The following CAPZB variants were observed in gnomAD, a reference collection of about 807,000 sequenced individuals.
CAPZB encodes F-actin-capping protein subunit beta.
Under a neutral mutation model 38.1 loss-of-function variants are expected in CAPZB, and 2 were observed. The ratio of observed to expected loss-of-function variants is 0.05; its 90% confidence interval spans 0.02 to 0.17. The LOEUF (loss-of-function observed/expected upper bound fraction) is 0.17. Ranked by LOEUF, CAPZB falls within the 10% of genes least tolerant of loss-of-function variation. CAPZB has a pLI of 1.00. For missense variants in CAPZB, 161 were observed against 334.2 expected (o/e 0.48, Z 4.04); for synonymous variants, 107 against 127.4 (o/e 0.84, Z 1.08).
intron 2 of CAPZB, among the ~76,000 whole-genome samples, chr1:19,401,831 GC>G (rs1254964479): frequency 6.6e-6 from 1 of 152,098 alleles, no homozygotes; most frequent in Non-Finnish European, 1.5e-5. Flanking sequence ...AGTGATGTTG[GC>G]CCCCTGCTCC....
In CAPZB at chr1:19,464,763, G is replaced by A. The variant is rs534539305; in HGVS notation, c.3+20673C>T. 8.5e-5 allele frequency among the ~76,000 whole-genome samples: 13 copies of A among 152,282 alleles called. No homozygotes were observed. In the East Asian group the frequency reaches 2.1e-3, roughly 25 times the overall value. On this transcript the variant is annotated intron_variant, in intron 1 of 8. Transcript: ENST00000264202. ...AACATGAATGAATCAAATAAATCATGTTACACGAAAGAGGTCAAACACAAA... is the reference window on the plus strand; with the variant it reads ...AACATGAATGAATCAAATAAATCATATTACACGAAAGAGGTCAAACACAAA...
chr1:19,396,269 G>A (rs2094268465), intron 2 of CAPZB, among the ~76,000 whole-genome samples: 3 of 152,168 alleles, frequency 2.0e-5, no homozygotes, highest in African/African-American at 7.2e-5. Flanking sequence ...GTGGGATGGT[G>A]GAAAACTAGG....
chr1:19,454,394 A>G (rs2094526548), intron 1 of CAPZB, among the ~76,000 whole-genome samples: 1 of 152,172 alleles, frequency 6.6e-6, no homozygotes, highest in African/African-American at 2.4e-5. Context: ...CTGATCTTTA[A>G]AACTCTTTTC....
At chr1:19,383,374 G>A (rs1570063762) in intron 3 of CAPZB, among the ~76,000 whole-genome samples, 1 of 149,510 alleles carries the variant, frequency 6.7e-6, no homozygotes, top group Non-Finnish European at 1.5e-5. Context: ...TTGAACCCAG[G>A]AGACAGAGGT....
intron 2 of CAPZB, among the ~76,000 whole-genome samples, chr1:19,407,805 G>A (rs1482098375): frequency 6.6e-6 from 1 of 152,148 alleles, no homozygotes; most frequent in African/African-American, 2.4e-5. Flanking sequence ...CTCATTCAGG[G>A]AGCAGAAGCA....
chr1:19,345,865 G>A (rs1326039436), intron 6 of CAPZB, among the ~76,000 whole-genome samples: 4 of 152,330 alleles, frequency 2.6e-5, no homozygotes, highest in Middle Eastern at 3.4e-3. Flanking sequence ...GGGCCTGTTC[G>A]TTCTACTCTG....
chr1:19,403,032 A>ATT, intron 2 of CAPZB, among the ~76,000 whole-genome samples: 1 of 151,670 alleles, frequency 6.6e-6, no homozygotes, highest in Non-Finnish European at 1.5e-5. Flanking sequence ...CTGGGCAACA[A>ATT]GAACAAAACT....
chr1:19,432,066 GA>G (rs1046571679), intron 1 of CAPZB, among the ~76,000 whole-genome samples: 13 of 107,972 alleles, frequency 1.2e-4, no homozygotes, highest in Admixed American at 2.8e-4. Flanking sequence ...AAAAAAAAAA[GA>G]AAAAAAAAGA....
intron 6 of CAPZB, among the ~76,000 whole-genome samples, chr1:19,346,180 G>A (rs766119934): frequency 2.1e-4 from 32 of 152,078 alleles, no homozygotes; most frequent in Non-Finnish European, 4.1e-4. Context: ...AATGCTCAAC[G>A]TTACTACACT....
chr1:19,432,053 A>AG (rs2094443918), intron 1 of CAPZB, among the ~76,000 whole-genome samples: 1 of 88,306 alleles, frequency 1.1e-5, no homozygotes, highest in African/African-American at 3.4e-5. Flanking sequence ...AAAAAAAAAA[A>AG]AAAAAAAAAA....
Position 19,357,346 on chromosome 1 carries a change from T to G in CAPZB, c.471+76A>C. On this transcript the variant is annotated intron_variant, in intron 5 of 8. Coordinates refer to ENST00000264202, the MANE Select transcript of CAPZB (RefSeq NM_004930.5). This position sits in a 1 kb window ranked among gnomAD's most constrained non-coding sequence, Gnocchi z 4.3. ...CACAGCATCCCCCTACTGCATCTGTTAGAGAGCAGCGCGGCACTGGTTGGT... is the reference window on the plus strand; with the variant it reads ...CACAGCATCCCCCTACTGCATCTGTGAGAGAGCAGCGCGGCACTGGTTGGT... 1 of 1,368,030 alleles carries G rather than the reference T, an allele frequency of 7.3e-7. No individual in the cohort carries two copies. Among genetic ancestry groups the G allele is most frequent in the South Asian group, 1.2e-5 (1 of 82,356 alleles). 84.7% of individuals were successfully genotyped at this position (1,368,030 alleles called of 1,614,324 possible). A position where few individuals can be genotyped will look rare whatever the true frequency, so the allele number is the denominator to read the frequency against.
intron 6 of CAPZB, among the ~76,000 whole-genome samples, chr1:19,353,695 T>C (rs748607385): frequency 6.6e-5 from 10 of 152,172 alleles, no homozygotes; most frequent in Non-Finnish European, 1.0e-4. Context: ...AATCAGATCA[T>C]TGGACTCCCT....
At chr1:19,474,139 G>A (rs1353961158) in intron 1 of CAPZB, among the ~76,000 whole-genome samples, 1 of 151,904 alleles carries the variant, frequency 6.6e-6, no homozygotes, top group African/African-American at 2.4e-5. Context: ...AGGACTACAC[G>A]TGTGTGCCAC....
intron 2 of CAPZB, among the ~76,000 whole-genome samples, chr1:19,389,824 T>G (rs1373246840): frequency 6.6e-6 from 1 of 152,238 alleles, no homozygotes; most frequent in Non-Finnish European, 1.5e-5. Context: ...CCAACTTCTT[T>G]ATCAAGATGT....
chr1:19,474,686 C>T (rs2094600879), intron 1 of CAPZB, among the ~76,000 whole-genome samples: 1 of 152,100 alleles, frequency 6.6e-6, no homozygotes, highest in African/African-American at 2.4e-5. Flanking sequence ...GAAGACCTGC[C>T]ACCTTCACAA....
intron 2 of CAPZB, among the ~76,000 whole-genome samples, chr1:19,404,098 T>C (rs1460200777): frequency 6.6e-6 from 1 of 151,688 alleles, no homozygotes; most frequent in East Asian, 1.9e-4. Flanking sequence ...CTGGCTATAG[T>C]GGTACACACC....
chr1:19,354,439 C>G (rs2094009237), intron 6 of CAPZB, among the ~76,000 whole-genome samples: 1 of 152,254 alleles, frequency 6.6e-6, no homozygotes, highest in South Asian at 2.1e-4. Flanking sequence ...CCTCCCCCTT[C>G]TGTAGTTACT....
rs540936952 is a variant in CAPZB at position 19,396,533 on chromosome 1, C to T, written c.94-10907G>A. Among the ~76,000 whole-genome samples the T allele has an allele frequency of 5.3e-4, 80 of 152,328 alleles. 1 individual carries two copies. In the South Asian group the frequency reaches 0.016, roughly 31 times the overall value. ...TGCCCCTCGTACCCTACACAGGCTC[C>T]TCCTAAAGCCAGACCCGCAGCCTTC... On this transcript the variant is annotated intron_variant, in intron 2 of 8. Coordinates refer to ENST00000264202, the MANE Select transcript of CAPZB (RefSeq NM_004930.5).
chr1:19,409,330 G>A (rs911656448), intron 2 of CAPZB, among the ~76,000 whole-genome samples: 1 of 151,994 alleles, frequency 6.6e-6, no homozygotes, highest in Non-Finnish European at 1.5e-5. Flanking sequence ...CACGAAATGT[G>A]CAGGTCACAG....
Sources: allele counts gnomAD v4.1 joint callset (sites outside exome capture counted in the v4.1 genomes callset), GRCh38; gene constraint gnomAD v4.1.1; non-coding constraint Gnocchi (gnomAD v3.1); transcripts MANE v1.5; gene names NCBI Gene and HGNC (gene_info 2026-07-23, HGNC 2026-07-21).